TET3: variants seen among roughly 807,000 people sequenced by gnomAD.
The protein encoded by TET3 is methylcytosine dioxygenase TET3.
A neutral mutation model predicts 141.4 loss-of-function variants in TET3; 19 were observed. The observed-to-expected ratio is 0.13, with a 90% CI of 0.09 to 0.20. The LOEUF (loss-of-function observed/expected upper bound fraction) is 0.20, where lower values mean the gene tolerates loss of function less well. Ranked by LOEUF, TET3 falls within the 10% of genes least tolerant of loss-of-function variation. The pLI, the probability that TET3 is intolerant of heterozygous loss-of-function variation, is 1.00. For synonymous variants in TET3, 1,043 were observed against 980.9 expected, an observed-to-expected ratio of 1.06 and a Z score of -1.18; for missense variants, 1,874 against 2,356.9, an observed-to-expected ratio of 0.80 and a Z score of 4.24.
At chr2:74,114,853 C>CAAAAA in the TET3 span, among the ~76,000 whole-genome samples, 6 of 43,868 alleles carry the variant, frequency 1.4e-4, no homozygotes, top group East Asian at 1.2e-3. Flanking sequence ...GACTCTGTCT[C>CAAAAA]AAAAAAAAAA....
At chr2:73,997,010 C>T (rs1282002753) in intron 2 of TET3, among the ~76,000 whole-genome samples, 1 of 152,240 alleles carries the variant, frequency 6.6e-6, no homozygotes, top group Non-Finnish European at 1.5e-5. Context: ...CGAATTCTAG[C>T]TCTGTTGTGT....
In TET3 at chr2:74,046,153, A is replaced by C; in HGVS notation, c.361-125A>C. On this transcript the variant is annotated intron_variant, in intron 3 of 11. Coordinates refer to ENST00000409262, the MANE Select transcript of TET3 (RefSeq NM_001287491.2). This position sits in a 1 kb window ranked among gnomAD's most constrained non-coding sequence, Gnocchi z 4.3. ...AAGATGAATTGGAGGCTCAAGAAGT[A>C]CCAGAGAGAGGATTTGCAAGAAAAG... 4 of 801,430 alleles carry C rather than the reference A, an allele frequency of 5.0e-6. No homozygotes were observed. Among genetic ancestry groups the C allele is most frequent in the Non-Finnish European group, 7.2e-6 (4 of 556,356 alleles). The allele number at this position is 801,430 out of a possible 1,614,324, so 49.6% of individuals were successfully genotyped here. A position where few individuals can be genotyped will look rare whatever the true frequency, so the allele number is the denominator to read the frequency against.
chr2:74,080,149 CAG>C (rs1328526445), intron 5 of TET3, among the ~76,000 whole-genome samples: 3 of 152,222 alleles, frequency 2.0e-5, no homozygotes, highest in African/African-American at 7.2e-5. Flanking sequence ...ACTCAGCTAA[CAG>C]GGCTGGATAC....
chr2:74,112,514 C>T (rs1353097885), downstream of TET3, among the ~76,000 whole-genome samples: 6 of 151,942 alleles, frequency 3.9e-5, no homozygotes, highest in Non-Finnish European at 4.4e-5. Context: ...AACAGGAAAC[C>T]AAGTTAACCA....
At chr2:74,098,594 C>CTTT (rs201277726) in intron 10 of TET3, among the ~76,000 whole-genome samples, 7 of 130,578 alleles carry the variant, frequency 5.4e-5, no homozygotes, top group African/African-American at 2.2e-4. Context: ...AAAAAGGAAA[C>CTTT]TCTTTTTTTT....
rs1400989251 is a variant in TET3, at chr2:73,990,782, C to G, written c.303+4076C>G. ...GGAATCTTTCAACAATATCAGAACA[C>G]CTGATGAATCCTTGCCCATCCTGCT... On this transcript the variant is annotated intron_variant, in intron 2 of 11. Coordinates refer to ENST00000409262, the MANE Select transcript of TET3 (RefSeq NM_001287491.2). 2.6e-5 allele frequency among the ~76,000 whole-genome samples: 4 copies of G among 152,190 alleles called. No individual in the cohort carries two copies. The South Asian group carries it at 8.3e-4, about 32-fold the overall frequency.
Position 74,099,711 on chromosome 2 carries a change from G to A in TET3, c.3604+99G>A, listed in dbSNP as rs1272932786. 3.2e-6 allele frequency: 4 copies of A among 1,248,936 alleles called. No individual in the cohort carries two copies. In the African/African-American group the frequency reaches 6.1e-5, roughly 19 times the overall value. The allele number at this position is 1,248,936 out of a possible 1,614,324, so 77.4% of individuals were successfully genotyped here. ...CCCTCCTGCATCACACTGGAACTGG[G>A]GCCTCTGCTTAATTGTCAGTCAGAA... On this transcript the variant is annotated intron_variant, in intron 11 of 11. Transcript: ENST00000409262.
intron 3 of TET3, among the ~76,000 whole-genome samples, chr2:74,034,586 A>C (rs1452892970): frequency 2.6e-5 from 4 of 151,814 alleles, no homozygotes; most frequent in South Asian, 4.1e-4. Context: ...AAAAAAAAAA[A>C]AAAAAAAACC....
Position 74,047,163 on chromosome 2 carries a change from T to G in TET3, c.1246T>G (p.Ser416Ala), listed in dbSNP as rs899321537. ...WPVVPPEEHS[S>A]FAPDSSAFPP... ...TGTGGTTCCTCCTGAAGAGCACTCA[T>G]CTTTTGCTCCTGATAGCTCTGCCTT... is the stretch of plus-strand genomic sequence containing the variant. Residue 416 changes from serine (S) to alanine (A), a missense_variant, in exon 4 of 12, where the codon TCT (serine) becomes GCT (alanine). Ser to Ala is a moderately conservative substitution (Grantham distance 99, BLOSUM62 1). Coordinates refer to ENST00000409262, the MANE Select transcript of TET3 (RefSeq NM_001287491.2). The G allele has an allele frequency of 3.1e-6, 5 of 1,613,840 alleles. No individual in the cohort carries two copies. In the Admixed American group the frequency reaches 6.7e-5, roughly 22 times the overall value.
intron 3 of TET3, among the ~76,000 whole-genome samples, chr2:74,010,500 A>G (rs983075964): frequency 5.3e-5 from 8 of 152,322 alleles, no homozygotes; most frequent in East Asian, 3.9e-4. Flanking sequence ...CTCTGGTTCA[A>G]CGAGTTTGGT....
intron 6 of TET3, among the ~76,000 whole-genome samples, chr2:74,082,881 G>A (rs1213623008): frequency 6.6e-6 from 1 of 152,168 alleles, no homozygotes; most frequent in East Asian, 1.9e-4. Context: ...CAGGAGCCCG[G>A]AGCCGGTTCT....
Position 74,099,242 on chromosome 2 carries a change from C to T in TET3, c.3268-34C>T, listed in dbSNP as rs759603211. 1.5e-5 allele frequency: 23 copies of T among 1,528,522 alleles called. No individual in the cohort carries two copies. In the Admixed American group the frequency reaches 4.5e-4, roughly 30 times the overall value. The allele number at this position is 1,528,522 out of a possible 1,614,324, so 94.7% of individuals were successfully genotyped here. On this transcript the variant is annotated intron_variant, in intron 10 of 11. Transcript: ENST00000409262. ...TCTCTCCCAGCACTCGGTCCCCCAA[C>T]CCCATGTCCTCTCTCCCCCACTGCT...
chr2:73,985,710 G>T (rs12988832), intron 1 of TET3, among the ~76,000 whole-genome samples: 3,725 of 152,172 alleles, frequency 0.024, 75 homozygotes, highest in Non-Finnish European at 0.04. Context: ...TCACCAGCCC[G>T]TGGGGGTGGG....
At chr2:73,984,563 A>C (rs1163173101), upstream of TET3, among the ~76,000 whole-genome samples, 3 of 151,556 alleles carry the variant, frequency 2.0e-5, no homozygotes, top group East Asian at 5.9e-4. This position sits in a 1 kb window ranked among gnomAD's most constrained non-coding sequence, Gnocchi z 5.6. Context: ...GGCTCGGCCG[A>C]GGGCCTAGGC....
intron 4 of TET3, among the ~76,000 whole-genome samples, chr2:74,066,598 C>A (rs959836280): frequency 8.2e-4 from 125 of 152,048 alleles, no homozygotes; most frequent in African/African-American, 2.8e-3. Flanking sequence ...GTAAAAGAAA[C>A]TGCTTTTAAG....
At chr2:74,026,764 G>A (rs1573725292) in intron 3 of TET3, among the ~76,000 whole-genome samples, 1 of 148,504 alleles carries the variant, frequency 6.7e-6, no homozygotes, top group East Asian at 2.0e-4. Context: ...TTTGAACCAA[G>A]TTCCATTTCC....
chr2:74,116,449 A>G, the TET3 span, among the ~76,000 whole-genome samples: 1 of 151,410 alleles, frequency 6.6e-6, no homozygotes, highest in African/African-American at 2.4e-5. Flanking sequence ...TTGGGAGGCC[A>G]AGGCAGGCAG....
chr2:74,134,334 A>T, the TET3 span: 1 of 200,238 alleles, frequency 5.0e-6, no homozygotes, highest in African/African-American at 2.3e-5. Flanking sequence ...ACTGCTTGTA[A>T]GAGGCAGTTC....
At chr2:74,125,646 G>T in the TET3 span, among the ~76,000 whole-genome samples, 1 of 151,974 alleles carries the variant, frequency 6.6e-6, no homozygotes, top group Non-Finnish European at 1.5e-5. Flanking sequence ...AGGTACAGAA[G>T]ACTTCAGCTC....
Sources: gnomAD v4.1 joint callset for allele counts (sites outside exome capture counted in the v4.1 genomes callset) on GRCh38, gnomAD v4.1.1 for gene constraint, Gnocchi (gnomAD v3.1) non-coding constraint, MANE v1.5 for transcripts, NCBI Gene and HGNC (gene_info 2026-07-23, HGNC 2026-07-21) for gene names.